Variants in SLC22A14 observed in about 807,000 individuals in gnomAD.
SLC22A14 encodes the protein solute carrier family 22 member 14.
Under a neutral mutation model 53.9 loss-of-function variants are expected in SLC22A14, and 50 were observed. The observed-to-expected ratio is 0.93, with a 90% CI of 0.74 to 1.17. The LOEUF (loss-of-function observed/expected upper bound fraction) is 1.17. Among genes scored for constraint, SLC22A14 ranks in the 50% most tolerant of loss-of-function variants. The pLI is 0.00. For synonymous variants in SLC22A14, 312 were observed against 303.0 expected (o/e 1.03, Z -0.31); for missense variants, 671 against 734.7 (o/e 0.91, Z 1.00).
chr3:38,309,225 C>CT, intron 5 of SLC22A14, 103 bp downstream of exon 5: 1 of 1,060,656 alleles, frequency 9.4e-7, no homozygotes, highest in South Asian at 1.4e-5. Flanking sequence ...GGGATTTCCC[C>CT]TGGGAGAAAG....
At chr3:38,303,270 CTTTAGA>C (rs1334041786) in intron 1 of SLC22A14, among the ~76,000 whole-genome samples, 1 of 151,910 alleles carries the variant, frequency 6.6e-6, no homozygotes, top group Non-Finnish European at 1.5e-5. Flanking sequence ...CCTTTACTTT[CTTTAGA>C]TTTATTCTTT....
intron 7 of SLC22A14, 107 bp downstream of exon 7, chr3:38,313,592 A>G: frequency 1.0e-6 from 1 of 964,200 alleles, no homozygotes; most frequent in Non-Finnish European, 1.6e-6. Flanking sequence ...GCCCAAGGAC[A>G]CAGATCACAG....
chr3:38,307,838 G>T lies in SLC22A14; in HGVS notation c.775+118G>T. 7 of 1,128,928 alleles carry T rather than the reference G, an allele frequency of 6.2e-6. No individual in the cohort carries two copies. Among genetic ancestry groups the T allele is most frequent in the Non-Finnish European group, 7.8e-6 (6 of 772,416 alleles). The allele number at this position is 1,128,928 out of a possible 1,614,324, so 69.9% of individuals were successfully genotyped here. A position where few individuals can be genotyped will look rare whatever the true frequency, so the allele number is the denominator to read the frequency against. On this transcript the variant is annotated intron_variant, in intron 4 of 10. Transcript: ENST00000448498. The surrounding 1 kb of genome is among the most constrained non-coding windows in gnomAD (Gnocchi z 4.4). ...CGGCATAGGCAGATGGCAAGGGGGCGTGGTGTAGCTGTAAGAGGGCATGGC... is the reference window on the plus strand; with the variant it reads ...CGGCATAGGCAGATGGCAAGGGGGCTTGGTGTAGCTGTAAGAGGGCATGGC...
At chr3:38,294,817 A>C (rs1420722829) in intron 1 of SLC22A14, among the ~76,000 whole-genome samples, 1 of 152,036 alleles carries the variant, frequency 6.6e-6, no homozygotes, top group Non-Finnish European at 1.5e-5. Context: ...CTTTGTGCTC[A>C]GGGGTGAGTC....
rs1359895388 is a variant in SLC22A14 at position 38,318,224 on chromosome 3, A to G, written c.1760A>G (p.Lys587Arg). The change falls in exon 11 of 11, where the codon AAG becomes AGG. Residue 587 changes from lysine (K) to arginine (R), a missense_variant. Lys to Arg is a conservative substitution (Grantham distance 26). Transcript: ENST00000448498. ...AATAAGGTCAAGGACATGAAGACTA[A>G]GGAAACATCATCTGATGATGTCTGA... ...IRNKVKDMKT[K>R]ETSSDDV The G allele has an allele frequency of 1.9e-6, 3 of 1,613,978 alleles. No homozygotes were observed. The highest frequency in any genetic ancestry group is 1.7e-6 in the Non-Finnish European group (2 of 1,179,928).
chr3:38,285,875 G>T (rs529499050), intron 1 of SLC22A14, among the ~76,000 whole-genome samples: 18 of 152,282 alleles, frequency 1.2e-4, no homozygotes, highest in Non-Finnish European at 1.9e-4. Flanking sequence ...TCCAAAGTGG[G>T]TCTATGAATA....
chr3:38,305,958 C>T, intron 1 of SLC22A14, 69 bp from the exon 2 acceptor site: 3 of 1,497,622 alleles, frequency 2.0e-6, no homozygotes, highest in Admixed American at 2.0e-5. Context: ...GTCGGTGGCT[C>T]CCATGCTGGT....
intron 1 of SLC22A14, among the ~76,000 whole-genome samples, chr3:38,290,046 T>C (rs2125873080): frequency 6.6e-6 from 1 of 152,292 alleles, no homozygotes; most frequent in Middle Eastern, 3.4e-3. Context: ...TTTAGTGAGC[T>C]CTCCTTACTA....
intron 1 of SLC22A14, among the ~76,000 whole-genome samples, chr3:38,299,382 T>C (rs1704111446): frequency 6.6e-6 from 1 of 152,226 alleles, no homozygotes; most frequent in African/African-American, 2.4e-5. Context: ...TTGTGACTTA[T>C]CCTCCTGTAT....
intron 1 of SLC22A14, among the ~76,000 whole-genome samples, chr3:38,289,233 A>G (rs920482558): frequency 1.3e-5 from 2 of 150,842 alleles, no homozygotes; most frequent in African/African-American, 4.9e-5. Flanking sequence ...CAGACTTCCC[A>G]TTCCTTCCAC....
Position 38,318,298 on chromosome 3 carries a change from C to A in SLC22A14, c.*49C>A. The stretch of plus-strand genomic sequence containing the variant: ...TCAATGCCCAGATCCTGAGATTGGA[C>A]CCATACCCTGTCTCCAACCCTGCCT... On this transcript the variant is annotated 3_prime_UTR_variant, in exon 11 of 11. Coordinates refer to ENST00000448498, the MANE Select transcript of SLC22A14 (RefSeq NM_001320033.2). The A allele has an allele frequency of 6.6e-7, 1 of 1,519,196 alleles. No homozygotes were observed. The highest frequency in any genetic ancestry group is 9.1e-7 in the Non-Finnish European group (1 of 1,093,270). 94.1% of individuals were successfully genotyped at this position (1,519,196 alleles called of 1,614,324 possible). A position where few individuals can be genotyped will look rare whatever the true frequency, so the allele number is the denominator to read the frequency against.
chr3:38,299,002 A>T (rs1234547163), intron 1 of SLC22A14, among the ~76,000 whole-genome samples: 1 of 152,236 alleles, frequency 6.6e-6, no homozygotes, highest in Non-Finnish European at 1.5e-5. Context: ...TAACTAGGGT[A>T]ACAGTACTTG....
rs1553644892 is a variant in SLC22A14, at chr3:38,313,695, T to TGCGC, written c.1164-30_1164-29insGCGC. On this transcript the variant is annotated intron_variant, in intron 7 of 10. Coordinates refer to ENST00000448498, the MANE Select transcript of SLC22A14 (RefSeq NM_001320033.2). The stretch of plus-strand genomic sequence containing the variant: ...CTGGCTCCGTGTGTGTGCGCGCGTG[T>TGCGC]GCACGCGCACTTGCCTCCTGGCTTC... The TGCGC allele has an allele frequency of 5.2e-6, 7 of 1,339,420 alleles. No individual in the cohort carries two copies. In the Admixed American group the frequency reaches 1.3e-4, roughly 25 times the overall value. 83.0% of individuals were successfully genotyped at this position (1,339,420 alleles called of 1,614,324 possible).
At chr3:38,302,666 A>C (rs1704197159) in intron 1 of SLC22A14, among the ~76,000 whole-genome samples, 1 of 152,000 alleles carries the variant, frequency 6.6e-6, no homozygotes, top group African/African-American at 2.4e-5. Context: ...CAAAGATAAA[A>C]CTGTCTTTAC....
upstream of SLC22A14, among the ~76,000 whole-genome samples, chr3:38,280,480 A>T (rs984901193): frequency 3.3e-5 from 5 of 152,152 alleles, no homozygotes; most frequent in East Asian, 9.6e-4. Context: ...GGCAATCAAC[A>T]TTTGTAGCTG....
intron 1 of SLC22A14, chr3:38,303,816 A>G (rs549458235): frequency 1.9e-4 from 29 of 152,180 alleles, no homozygotes; most frequent in Admixed American, 9.8e-4. Context: ...ATCCTTGTGC[A>G]GAGGTCATGC....
At chr3:38,312,300 G>C (rs4679036) in intron 5 of SLC22A14, among the ~76,000 whole-genome samples, 1,599 of 152,290 alleles carry the variant, frequency 0.01, 99 homozygotes, top group Admixed American at 0.1. Context: ...ACTAGGTCCA[G>C]GTTTGGATGA....
In SLC22A14 at chr3:38,307,778, C is replaced by G; in HGVS notation, c.775+58C>G. On this transcript the variant is annotated intron_variant, in intron 4 of 10. Transcript: ENST00000448498. This position sits in a 1 kb window ranked among gnomAD's most constrained non-coding sequence, Gnocchi z 4.4. ...TGGCACAGGGGCATGGCGGCATAGG[C>G]GGGTGACAAGGGGACATAGTGGCAG... 1 of 1,587,636 alleles carries G rather than the reference C, an allele frequency of 6.3e-7. No homozygotes were observed. The highest frequency in any genetic ancestry group is 1.1e-5 in the South Asian group (1 of 88,726).
intron 4 of SLC22A14, chr3:38,308,135 A>G (rs1436612421): frequency 1.8e-5 from 3 of 162,478 alleles, no homozygotes; most frequent in Non-Finnish European, 2.7e-5. Context: ...AACAACAAAA[A>G]ACAGAAGAAG....
Sources: gnomAD v4.1 joint callset for allele counts (sites outside exome capture counted in the v4.1 genomes callset) on GRCh38, gnomAD v4.1.1 for gene constraint, Gnocchi (gnomAD v3.1) non-coding constraint, MANE v1.5 for transcripts, NCBI Gene and HGNC (gene_info 2026-07-23, HGNC 2026-07-21) for gene names.